ATP8B3: variants seen among roughly 807,000 people sequenced by gnomAD.
ATP8B3 encodes the protein ATPase phospholipid transporting 8B3, also known as phospholipid-transporting ATPase IK.
In ATP8B3, 141 loss-of-function variants were observed where a neutral mutation model predicts 140.9. The observed-to-expected ratio is 1.00, with a 90% CI of 0.87 to 1.15. The LOEUF is 1.15. ATP8B3 is among the 50% of genes most tolerant of loss of function. The probability of loss-of-function intolerance (pLI) is 0.00; values close to 1 mark genes in which losing one functional copy is unlikely to be tolerated. For synonymous variants in ATP8B3, 765 were observed against 714.6 expected (o/e 1.07, Z -1.13); for missense variants, 1,874 against 1,740.6 (o/e 1.08, Z -1.36).
At chr19:1,791,949 G>T (rs763324680) in intron 19 of ATP8B3, 52 bp downstream of exon 19, 1 of 1,572,464 alleles carries the variant, frequency 6.4e-7, no homozygotes, top group Non-Finnish European at 8.6e-7. Context: ...GGCCCCCTTG[G>T]GTGCCCCCGC....
Position 1,800,508 on chromosome 19 carries a change from A to C in ATP8B3, c.1153-59T>G. 6.8e-7 allele frequency: 1 copy of C among 1,466,422 alleles called. No individual in the cohort carries two copies. Among genetic ancestry groups the C allele is most frequent in the South Asian group, 1.2e-5 (1 of 85,474 alleles). 90.8% of individuals were successfully genotyped at this position (1,466,422 alleles called of 1,614,324 possible). On this transcript the variant is annotated intron_variant, in intron 12 of 28. Transcript: ENST00000310127. This position sits in a 1 kb window ranked among gnomAD's most constrained non-coding sequence, Gnocchi z 4.4. ...GGCGGGGGTCCCCCACTCTGCCATC[A>C]GGATGGGGTAAACACAAAGATAAGG...
At position 1,807,046 on chromosome 19, in the gene ATP8B3, G is replaced by T; in HGVS notation, c.615+122C>A. The stretch of plus-strand genomic sequence containing the variant: ...GTAGCCCCAGCAGCTGAGGCTCCCA[G>T]GCCCACGTTCCCCTAATGCTCCAGG... On this transcript the variant is annotated intron_variant, in intron 6 of 28. Coordinates refer to ENST00000310127, the MANE Select transcript of ATP8B3 (RefSeq NM_138813.4). This position sits in a 1 kb window ranked among gnomAD's most constrained non-coding sequence, Gnocchi z 5.9. The T allele has an allele frequency of 1.1e-6, 1 of 884,144 alleles. No homozygotes were observed. Among genetic ancestry groups the T allele is most frequent in the Non-Finnish European group, 1.8e-6 (1 of 554,408 alleles). 54.8% of individuals were successfully genotyped at this position (884,144 alleles called of 1,614,324 possible).
intron 5 of ATP8B3, 35 bp downstream of exon 5, chr19:1,808,186 TA>T (rs746110445): frequency 2.8e-5 from 42 of 1,512,528 alleles, no homozygotes; most frequent in African/African-American, 2.6e-4. Flanking sequence ...GCCAGGTGGC[TA>T]GGGGGGACTT....
chr19:1,792,699 G>A (rs2068552326), intron 18 of ATP8B3, among the ~76,000 whole-genome samples: 1 of 151,916 alleles, frequency 6.6e-6, no homozygotes, highest in Non-Finnish European at 1.5e-5. Context: ...ATCACTTGAG[G>A]CCAGGAGTTT....
rs547404532 is a variant in ATP8B3, at chr19:1,790,836, C to T, written c.2303-4G>A. 24 of 1,594,450 alleles carry T rather than the reference C, an allele frequency of 1.5e-5. No homozygotes were observed. In the East Asian group the frequency reaches 3.6e-4, roughly 24 times the overall value. ...AAGCCGATGTTCACAGCCGTTTCTG[C>T]GAAGCAGACCAGCTCAGCGCCTCTG... is the stretch of plus-strand genomic sequence containing the variant. On this transcript the variant is annotated splice_polypyrimidine_tract_variant and splice_region_variant and intron_variant, in intron 20 of 28. Coordinates refer to ENST00000310127, the MANE Select transcript of ATP8B3 (RefSeq NM_138813.4).
intron 20 of ATP8B3, among the ~76,000 whole-genome samples, 171 bp downstream of exon 20, chr19:1,791,579 G>C (rs929310895): frequency 6.6e-6 from 1 of 152,018 alleles, no homozygotes; most frequent in African/African-American, 2.4e-5. Flanking sequence ...TTTTAGCAGA[G>C]ACGGGGTTTG....
chr19:1,782,075 T>G lies in ATP8B3; in HGVS notation c.*953A>C. The G allele has an allele frequency of 4.3e-5, 7 of 162,876 alleles. No individual in the cohort carries two copies. The highest frequency in any genetic ancestry group is 6.5e-5 in the Admixed American group (1 of 15,398). The allele number at this position is 162,876 out of a possible 1,614,324, so 10.1% of individuals were successfully genotyped here. A position where few individuals can be genotyped will look rare whatever the true frequency, so the allele number is the denominator to read the frequency against. ...AGTGTAGGGAAAGAGGGAGCCTGAA[T>G]TAGCGCTGGGGTCAGATGGACCCTG... On this transcript the variant is annotated 3_prime_UTR_variant, in exon 29 of 29. Coordinates refer to ENST00000310127, the MANE Select transcript of ATP8B3 (RefSeq NM_138813.4).
At chr19:1,810,713 C>G (rs2069165328) in intron 2 of ATP8B3, 30 bp from the exon 3 acceptor site, 1 of 1,603,040 alleles carries the variant, frequency 6.2e-7, no homozygotes, top group African/African-American at 1.3e-5. Flanking sequence ...CGGGTCACAG[C>G]AGTGACCCCA....
intron 21 of ATP8B3, 71 bp from the exon 22 acceptor site, chr19:1,790,060 G>A (rs1430487771): frequency 5.0e-6 from 6 of 1,198,850 alleles, no homozygotes; most frequent in Non-Finnish European, 4.9e-6. Context: ...GGGCTCCACT[G>A]CCCCTCCCAC....
rs556318895 is a variant in ATP8B3 at position 1,812,043 on chromosome 19, G to T, written c.-149+143C>A. 3.3e-3 allele frequency: 1,013 copies of T among 309,554 alleles called. 2 individuals carry two copies. Among genetic ancestry groups the T allele is most frequent in the Non-Finnish European group, 4.8e-3 (813 of 169,136 alleles). The allele number at this position is 309,554 out of a possible 1,614,324, so 19.2% of individuals were successfully genotyped here. A position where few individuals can be genotyped will look rare whatever the true frequency, so the allele number is the denominator to read the frequency against. On this transcript the variant is annotated intron_variant, in intron 1 of 28. Coordinates refer to ENST00000310127, the MANE Select transcript of ATP8B3 (RefSeq NM_138813.4). ...CCAGAGTCCAGGGCTGTCTGCACCC[G>T]CCCCGGGGCCCCGACCGCGCGAACC...
intron 16 of ATP8B3, 122 bp from the exon 17 acceptor site, chr19:1,796,387 C>T (rs2068676435): frequency 1.0e-6 from 1 of 962,794 alleles, no homozygotes; most frequent in African/African-American, 1.6e-5. Context: ...GGGACCCCCG[C>T]CTGTACAACC....
At chr19:1,786,859 G>C (rs1043593416) in intron 25 of ATP8B3, among the ~76,000 whole-genome samples, 2 of 152,148 alleles carry the variant, frequency 1.3e-5, no homozygotes, top group African/African-American at 4.8e-5. Flanking sequence ...AGAGGCACGG[G>C]GGCTCCAGCA....
Position 1,811,159 on chromosome 19 carries a change from G to A in ATP8B3, c.248+330C>T, listed in dbSNP as rs79243155. Reference sequence around the variant, plus strand: ...TGTTCACTGACTGAATGGGACCCCCGGGCTATATGTTATATCTCAAAACAC... The same window carrying A: ...TGTTCACTGACTGAATGGGACCCCCAGGCTATATGTTATATCTCAAAACAC... On this transcript the variant is annotated intron_variant, in intron 2 of 28. Coordinates refer to ENST00000310127, the MANE Select transcript of ATP8B3 (RefSeq NM_138813.4). Among the ~76,000 whole-genome samples the A allele has an allele frequency of 4.6e-3, 705 of 152,274 alleles. 35 individuals are homozygous for A. In the East Asian group the frequency reaches 0.1, roughly 22 times the overall value.
rs1456531607 is a variant in ATP8B3 at position 1,800,056 on chromosome 19, G to T, written c.1443C>A (p.Ser481Arg). 1 of 1,595,268 alleles carries T rather than the reference G, an allele frequency of 6.3e-7. No individual in the cohort carries two copies. Among genetic ancestry groups the T allele is most frequent in the South Asian group, 1.1e-5 (1 of 88,292 alleles). The stretch of plus-strand genomic sequence containing the variant: ...CCACCTGGCCCAGGTGGTCGTTGAG[G>T]CTGGTGCTGCGGGCCTTGGCAGGCA... ...QDVPAKARST[S>R]LNDHLGQVEY... The change falls in exon 14 of 29, where the codon AGC (serine) becomes AGA (arginine). Residue 481 changes from serine to arginine, a missense_variant. Transcript: ENST00000310127. This position sits in a 1 kb window ranked among gnomAD's most constrained non-coding sequence, Gnocchi z 4.4.
Position 1,800,319 on chromosome 19 carries a change from A to C in ATP8B3, c.1283T>G (p.Phe428Cys), listed in dbSNP as rs1818880794. The C allele has an allele frequency of 3.7e-6, 6 of 1,612,886 alleles. No homozygotes were observed. The highest frequency in any genetic ancestry group is 5.1e-6 in the Non-Finnish European group (6 of 1,179,818). The change falls in exon 13 of 29, where the codon TTC becomes TGC. Residue 428 changes from phenylalanine to cysteine, a missense_variant. Physicochemically the swap from Phe to Cys is radical, Grantham distance 205 (BLOSUM62 -2). Coordinates refer to ENST00000310127, the MANE Select transcript of ATP8B3 (RefSeq NM_138813.4). This position sits in a 1 kb window ranked among gnomAD's most constrained non-coding sequence, Gnocchi z 4.4. ...CAGGATGAGGAAGCTCCAGAAGACG[A>C]AGAAGGACTCTGCGGCCACGCTGCT... is the stretch of plus-strand genomic sequence containing the variant. ...HGSSVAAESF[F>C]VFWSFLILLS... is the part of the protein sequence containing the mutation.
chr19:1,811,464 G>T, intron 2 of ATP8B3, 25 bp downstream of exon 2: 1 of 1,600,492 alleles, frequency 6.2e-7, no homozygotes, highest in South Asian at 1.1e-5. Flanking sequence ...CCTGTGTTCC[G>T]GCCACCCGAT....
rs778405804 is a variant in ATP8B3 at position 1,789,619 on chromosome 19, C to G, written c.2587G>C (p.Ala863Pro). Residue 863 changes from alanine to proline, a missense_variant, in exon 23 of 29, where the codon GCC (alanine) becomes CCC (proline). Ala to Pro is a conservative substitution (Grantham distance 27, BLOSUM62 -1). Coordinates refer to ENST00000310127, the MANE Select transcript of ATP8B3 (RefSeq NM_138813.4). Reference protein sequence around the residue: ...LGQSRRDFLYARRLSLLCRRF... With the variant: ...LGQSRRDFLYPRRLSLLCRRF... ...CGGCACAGCAGGGACAGGCGCCTGG[C>G]GTAGAGGAAATCCCTCCTGGACTGG... The G allele has an allele frequency of 1.8e-5, 29 of 1,592,776 alleles. No homozygotes were observed. Among genetic ancestry groups the G allele is most frequent in the Non-Finnish European group, 2.4e-5 (28 of 1,173,626 alleles).
chr19:1,791,715 A>C, intron 20 of ATP8B3, 35 bp downstream of exon 20: 1 of 1,517,056 alleles, frequency 6.6e-7, no homozygotes, highest in Non-Finnish European at 9.1e-7. Context: ...CCCATGCTGC[A>C]GGGGCTTAGC....
intron 14 of ATP8B3, among the ~76,000 whole-genome samples, chr19:1,797,949 T>A (rs2068732025): frequency 6.6e-6 from 1 of 151,818 alleles, no homozygotes; most frequent in Non-Finnish European, 1.5e-5. Flanking sequence ...GGGCAACAGG[T>A]GCATGCCACC....
Sources: allele counts gnomAD v4.1 joint callset (sites outside exome capture counted in the v4.1 genomes callset), GRCh38; gene constraint gnomAD v4.1.1; non-coding constraint Gnocchi (gnomAD v3.1); transcripts MANE v1.5; gene names NCBI Gene and HGNC (gene_info 2026-07-23, HGNC 2026-07-21).